Variants in FHOD3 observed in about 807,000 individuals in gnomAD.
The protein encoded by FHOD3 is FH1/FH2 domain-containing protein 3.
In FHOD3, 90 loss-of-function variants were observed where a neutral mutation model predicts 173.0. The ratio of observed to expected loss-of-function variants is 0.52; its 90% confidence interval spans 0.44 to 0.62. The LOEUF is 0.62. FHOD3 is among the 20% of genes least tolerant of loss of function. The pLI, the probability that FHOD3 is intolerant of heterozygous loss-of-function variation, is 0.00. For synonymous variants in FHOD3, 828 were observed against 823.0 expected (o/e 1.01, Z -0.10); for missense variants, 1,945 against 2,034.7 (o/e 0.96, Z 0.85).
At chr18:36,671,938 C>A (rs746471286) in intron 14 of FHOD3, among the ~76,000 whole-genome samples, 6 of 152,112 alleles carry the variant, frequency 3.9e-5, no homozygotes, top group Non-Finnish European at 7.4e-5. Flanking sequence ...ATCCAGGAGT[C>A]TGGAGAAATA....
chr18:36,461,649 T>G (rs62086184), intron 3 of FHOD3, among the ~76,000 whole-genome samples: 25,216 of 152,168 alleles, frequency 0.17, 2,334 homozygotes, highest in East Asian at 0.3. Context: ...TGGGCTAGCC[T>G]GGGAATGCAT....
At chr18:36,760,903 T>G (rs368516401) in intron 27 of FHOD3, 121 bp downstream of exon 27, 10 of 1,009,884 alleles carry the variant, frequency 9.9e-6, no homozygotes, top group African/African-American at 9.8e-5. Flanking sequence ...AGTGCCAACC[T>G]AACCACACAC....
intron 5 of FHOD3, among the ~76,000 whole-genome samples, chr18:36,552,795 G>A (rs1353401500): frequency 7.9e-5 from 12 of 152,140 alleles, no homozygotes. Flanking sequence ...ACTGCGCCCG[G>A]CCAATACCCT....
chr18:36,354,111 A>G (rs1213546718), intron 1 of FHOD3, among the ~76,000 whole-genome samples: 2 of 152,186 alleles, frequency 1.3e-5, no homozygotes, highest in Non-Finnish European at 2.9e-5. Flanking sequence ...TGGGGAGAAA[A>G]GGGAATGGTG....
At chr18:36,351,009 G>A (rs1276889119) in intron 1 of FHOD3, among the ~76,000 whole-genome samples, 1 of 152,166 alleles carries the variant, frequency 6.6e-6, no homozygotes, top group Non-Finnish European at 1.5e-5. Flanking sequence ...CTTGGCTCAT[G>A]TGATGGTTTA....
At chr18:36,307,834 G>A (rs1257117898) in intron 1 of FHOD3, among the ~76,000 whole-genome samples, 1 of 152,198 alleles carries the variant, frequency 6.6e-6, no homozygotes, top group Non-Finnish European at 1.5e-5. Context: ...CTACAGAAAA[G>A]CACTTTGAAG....
intron 14 of FHOD3, among the ~76,000 whole-genome samples, chr18:36,659,675 G>T (rs1215604036): frequency 6.6e-6 from 1 of 152,184 alleles, no homozygotes; most frequent in East Asian, 1.9e-4. Context: ...GAAGGATGGG[G>T]TGACTTAGCT....
chr18:36,600,772 G>A (rs1213384200), intron 7 of FHOD3, among the ~76,000 whole-genome samples: 1 of 152,178 alleles, frequency 6.6e-6, no homozygotes, highest in East Asian at 1.9e-4. Flanking sequence ...TTTGCTCCCT[G>A]AGGACCTGTT....
chr18:36,552,103 A>G (rs1419372126), intron 5 of FHOD3, among the ~76,000 whole-genome samples: 1 of 152,138 alleles, frequency 6.6e-6, no homozygotes. Flanking sequence ...GGCCATTTTC[A>G]CAATATTGAT....
intron 3 of FHOD3, among the ~76,000 whole-genome samples, chr18:36,433,218 C>T (rs73421004): frequency 2.4e-4 from 37 of 152,302 alleles, no homozygotes; most frequent in African/African-American, 7.5e-4. Flanking sequence ...ATCACATTCA[C>T]GAGTCTAACC....
chr18:36,610,906 C>T (rs531484591), intron 8 of FHOD3, among the ~76,000 whole-genome samples: 1 of 152,234 alleles, frequency 6.6e-6, no homozygotes, highest in African/African-American at 2.4e-5. Context: ...TGTCTTCAGT[C>T]GCTTCCTGTT....
At chr18:36,345,755 G>A (rs547783277) in intron 1 of FHOD3, among the ~76,000 whole-genome samples, 65 of 152,152 alleles carry the variant, frequency 4.3e-4, no homozygotes, top group Non-Finnish European at 8.7e-4. Context: ...AAATAATAAA[G>A]ATAAGAATAG....
At chr18:36,664,459 T>C (rs1437929544) in intron 14 of FHOD3, among the ~76,000 whole-genome samples, 1 of 152,172 alleles carries the variant, frequency 6.6e-6, no homozygotes, top group Non-Finnish European at 1.5e-5. Flanking sequence ...TATTAATTGA[T>C]TGCGTTACAT....
At position 36,648,181 on chromosome 18, in the gene FHOD3, G is replaced by C. The variant is rs1050749712; in HGVS notation, c.1197-1135G>C. ...AGAATTTGGGTGAGAGGAAAGGAAT[G>C]AGAGATTTGGGTGAATGGGGGCTTG... On this transcript the variant is annotated intron_variant, in intron 10 of 28. Coordinates refer to ENST00000590592, the MANE Select transcript of FHOD3 (RefSeq NM_001281740.3). Among the ~76,000 whole-genome samples the C allele has an allele frequency of 3.3e-5, 5 of 152,242 alleles. No individual in the cohort carries two copies. In the South Asian group the frequency reaches 1.0e-3, roughly 32 times the overall value.
At chr18:36,300,099 C>T (rs1367891839) in intron 1 of FHOD3, among the ~76,000 whole-genome samples, 5 of 152,144 alleles carry the variant, frequency 3.3e-5, no homozygotes, top group Admixed American at 1.3e-4. Context: ...TGCATGGTTT[C>T]CTTTCATACT....
rs887084257 is a variant in FHOD3, at chr18:36,572,225, T to C, written c.512-4226T>C. 2.0e-5 allele frequency among the ~76,000 whole-genome samples: 3 copies of C among 152,350 alleles called. No individual in the cohort carries two copies. The East Asian group carries it at 5.8e-4, about 29-fold the overall frequency. On this transcript the variant is annotated intron_variant, in intron 5 of 28. Coordinates refer to ENST00000590592, the MANE Select transcript of FHOD3 (RefSeq NM_001281740.3). ...CTCTTCCTAGACCTGTGGTGCCATC[T>C]ACCTCTGTGTTCTGATAGACAGTCT...
intron 9 of FHOD3, among the ~76,000 whole-genome samples, chr18:36,613,189 T>C (rs1869124417): frequency 6.6e-6 from 1 of 152,230 alleles, no homozygotes; most frequent in South Asian, 2.1e-4. Context: ...AACTCCTGCC[T>C]ATCACCAGTC....
chr18:36,483,515 G>C (rs7235669), intron 3 of FHOD3, among the ~76,000 whole-genome samples: 9 of 152,164 alleles, frequency 5.9e-5, no homozygotes, highest in Non-Finnish European at 1.5e-5. Context: ...ATTGAAGAAC[G>C]TGTATATGTC....
intron 3 of FHOD3, among the ~76,000 whole-genome samples, chr18:36,452,397 T>C (rs953258526): frequency 2.6e-5 from 4 of 152,208 alleles, no homozygotes; most frequent in African/African-American, 9.7e-5. Context: ...AAAAACAGAA[T>C]GGCTATCCCT....
Sources: allele counts gnomAD v4.1 joint callset (sites outside exome capture counted in the v4.1 genomes callset), GRCh38; gene constraint gnomAD v4.1.1; transcripts MANE v1.5; gene names NCBI Gene and HGNC (gene_info 2026-07-23, HGNC 2026-07-21).